RBPMS: variants seen among roughly 807,000 people sequenced by gnomAD.
The protein encoded by RBPMS is RNA-binding protein with multiple splicing.
A neutral mutation model predicts 26.8 loss-of-function variants in RBPMS; 7 were observed. The observed-to-expected ratio is 0.26, with a 90% CI of 0.15 to 0.49. The LOEUF (loss-of-function observed/expected upper bound fraction) is 0.49, where lower values mean the gene tolerates loss of function less well. RBPMS is among the 20% of genes least tolerant of loss of function. The pLI, the probability that RBPMS is intolerant of heterozygous loss-of-function variation, is 0.98. For synonymous variants in RBPMS, 96 were observed against 93.3 expected, an observed-to-expected ratio of 1.03 and a Z score of -0.17; for missense variants, 186 against 250.0, an observed-to-expected ratio of 0.74 and a Z score of 1.73.
At chr8:30,535,311 T>C (rs1824670597) in intron 5 of RBPMS, among the ~76,000 whole-genome samples, 1 of 152,230 alleles carries the variant, frequency 6.6e-6, no homozygotes, top group South Asian at 2.1e-4. Flanking sequence ...GCCAGACATA[T>C]GTGCTAAGGA....
chr8:30,435,361 G>T (rs1251394431), intron 1 of RBPMS, among the ~76,000 whole-genome samples: 1 of 152,048 alleles, frequency 6.6e-6, no homozygotes, highest in African/African-American at 2.4e-5. Flanking sequence ...CTGGTCCCAG[G>T]CATTTAGATA....
At chr8:30,540,079 G>A (rs1172768228) in intron 5 of RBPMS, among the ~76,000 whole-genome samples, 1 of 152,198 alleles carries the variant, frequency 6.6e-6, no homozygotes, top group Admixed American at 6.5e-5. Context: ...TAGACTAGCA[G>A]TGCGAGACCA....
At chr8:30,511,823 C>CA (rs1229596529) in intron 5 of RBPMS, among the ~76,000 whole-genome samples, 10 of 149,666 alleles carry the variant, frequency 6.7e-5, no homozygotes, top group East Asian at 3.9e-4. Flanking sequence ...GACTGTGTCT[C>CA]AAAAAAAAAT....
intron 5 of RBPMS, among the ~76,000 whole-genome samples, chr8:30,532,932 C>T (rs1824388270): frequency 6.6e-6 from 1 of 152,156 alleles, no homozygotes; most frequent in Non-Finnish European, 1.5e-5. Flanking sequence ...ATCAGCATTA[C>T]TGCCTGAAAT....
At chr8:30,535,399 G>A (rs1824681694) in intron 5 of RBPMS, among the ~76,000 whole-genome samples, 1 of 152,158 alleles carries the variant, frequency 6.6e-6, no homozygotes, top group Non-Finnish European at 1.5e-5. Flanking sequence ...GCAGTGTTCA[G>A]GGTACACATA....
At chr8:30,514,151 CA>C (rs148816772) in intron 5 of RBPMS, among the ~76,000 whole-genome samples, 1,750 of 152,244 alleles carry the variant, frequency 0.011, 28 homozygotes, top group African/African-American at 0.041. Flanking sequence ...CACTCCTGCA[CA>C]CTTTGTTAAG....
chr8:30,442,616 CGTTTGCCTTCGTCTGGCTG>C (rs1813228123), intron 1 of RBPMS: 2 of 152,396 alleles, frequency 1.3e-5, no homozygotes, highest in Non-Finnish European at 2.9e-5. Flanking sequence ...CGCATCTCTT[CGTTTGCCTTCGTCTGGCTG>C]AGCCGGGCTG....
chr8:30,492,080 T>C (rs1819459071), intron 4 of RBPMS, among the ~76,000 whole-genome samples: 1 of 152,134 alleles, frequency 6.6e-6, no homozygotes, highest in East Asian at 1.9e-4. Flanking sequence ...TTATTAGAGA[T>C]AGGGTTTCAC....
At chr8:30,529,513 A>C (rs115921567) in intron 5 of RBPMS, among the ~76,000 whole-genome samples, 3,515 of 151,618 alleles carry the variant, frequency 0.023, 53 homozygotes, top group Non-Finnish European at 0.032. Context: ...AAAAAAAAGA[A>C]AAGACAAAAC....
intron 1 of RBPMS, among the ~76,000 whole-genome samples, chr8:30,474,538 G>A (rs954861712): frequency 6.6e-6 from 1 of 152,128 alleles, no homozygotes; most frequent in Non-Finnish European, 1.5e-5. Context: ...TTCAAGTGTT[G>A]GCTTAGGGGA....
At chr8:30,409,062 G>A (rs1394449428) in intron 1 of RBPMS, among the ~76,000 whole-genome samples, 2 of 152,158 alleles carry the variant, frequency 1.3e-5, no homozygotes, top group African/African-American at 4.8e-5. Flanking sequence ...CCATTGTATG[G>A]ATGTGCCATG....
chr8:30,454,544 A>G (rs530744208), intron 1 of RBPMS, among the ~76,000 whole-genome samples: 1 of 152,322 alleles, frequency 6.6e-6, no homozygotes, highest in East Asian at 1.9e-4. Flanking sequence ...ATTTAGAGAA[A>G]TGAATTATGC....
chr8:30,564,027 A>G (rs1827709596), intron 7 of RBPMS: 2 of 152,222 alleles, frequency 1.3e-5, no homozygotes, highest in African/African-American at 4.8e-5. Flanking sequence ...TCAAATAGAC[A>G]TAATAGTTTG....
At chr8:30,449,660 C>G (rs1814312082) in intron 1 of RBPMS, among the ~76,000 whole-genome samples, 1 of 152,164 alleles carries the variant, frequency 6.6e-6, no homozygotes, top group Non-Finnish European at 1.5e-5. Flanking sequence ...CATGAACCAC[C>G]GTGCCCGGCC....
At chr8:30,569,958 C>T (rs143275913) in intron 8 of RBPMS, among the ~76,000 whole-genome samples, 2 of 152,346 alleles carry the variant, frequency 1.3e-5, no homozygotes, top group East Asian at 3.9e-4. Context: ...CTGTGGAAAG[C>T]TCTGCCTGGC....
chr8:30,393,782 G>A (rs1235700825), intron 1 of RBPMS, among the ~76,000 whole-genome samples: 1 of 151,984 alleles, frequency 6.6e-6, no homozygotes, highest in African/African-American at 2.4e-5. Flanking sequence ...GCCTGCCAAA[G>A]TGCTGGGATT....
intron 6 of RBPMS, chr8:30,556,860 C>T (rs1585876656): frequency 1.3e-6 from 1 of 788,094 alleles, no homozygotes; most frequent in Non-Finnish European, 1.5e-6. Flanking sequence ...TCTTCTGTCC[C>T]CTTCCCTGCC....
Position 30,420,045 on chromosome 8 carries a change from C to A in RBPMS, c.66+34887C>A, listed in dbSNP as rs537148680. 4.6e-5 allele frequency among the ~76,000 whole-genome samples: 7 copies of A among 152,090 alleles called. No homozygotes were observed. In the East Asian group the frequency reaches 1.2e-3, roughly 25 times the overall value. ...CTCGAGACCAGCCTGGGCAACATGG[C>A]AAGACCTTGTCTCAACAAAAGAAAC... is the stretch of plus-strand genomic sequence containing the variant. On this transcript the variant is annotated intron_variant, in intron 1 of 8. Coordinates refer to ENST00000397323, the MANE Select transcript of RBPMS (RefSeq NM_001008710.3).
intron 4 of RBPMS, among the ~76,000 whole-genome samples, chr8:30,485,680 GTGTCCA>G (rs1302778844): frequency 6.6e-6 from 1 of 152,130 alleles, no homozygotes; most frequent in East Asian, 1.9e-4. Context: ...ACAAACAGCC[GTGTCCA>G]GTGAACTCCC....
Sources: gnomAD v4.1 joint callset for allele counts (sites outside exome capture counted in the v4.1 genomes callset) on GRCh38, gnomAD v4.1.1 for gene constraint, MANE v1.5 for transcripts, NCBI Gene and HGNC (gene_info 2026-07-23, HGNC 2026-07-21) for gene names.